The following MPHOSPH9 variants were observed in gnomAD, a reference collection of about 807,000 sequenced individuals.
MPHOSPH9 encodes M-phase phosphoprotein 9.
In MPHOSPH9, 88 loss-of-function variants were observed where a neutral mutation model predicts 145.5. That is an observed-to-expected ratio of 0.60 (90% confidence interval 0.51 to 0.72). The LOEUF (loss-of-function observed/expected upper bound fraction) is 0.72, where lower values mean the gene tolerates loss of function less well. Among genes scored for constraint, MPHOSPH9 ranks in the 30% least tolerant of loss-of-function variants. The pLI, the probability that MPHOSPH9 is intolerant of heterozygous loss-of-function variation, is 0.00. For synonymous variants in MPHOSPH9, 435 were observed against 486.2 expected, an observed-to-expected ratio of 0.89 and a Z score of 1.39; for missense variants, 1,238 against 1,386.6, an observed-to-expected ratio of 0.89 and a Z score of 1.70.
In MPHOSPH9 at chr12:123,203,253, T is replaced by G. The variant is rs774013968; in HGVS notation, c.1317A>C (p.Pro439=). Residue 439 remains proline (P), a synonymous_variant, in exon 9 of 24, where the codon CCA becomes CCC. Transcript: ENST00000606320. ...GGCAGAATGTGGACAACTTTACCTCTGGTGGATGATTTGGGTTGGAAGCAG... is the reference window on the plus strand; with the variant it reads ...GGCAGAATGTGGACAACTTTACCTCGGGTGGATGATTTGGGTTGGAAGCAG... ...LTSASNPNHP[P]EVLTLDPTLH... 3 of 1,613,272 alleles carry G rather than the reference T, an allele frequency of 1.9e-6. No individual in the cohort carries two copies. The East Asian group carries it at 6.7e-5, about 36-fold the overall frequency.
rs968087732 is a variant in MPHOSPH9 at position 123,161,202 on chromosome 12, T to A, written c.3315A>T (p.Thr1105=). Residue 1105 remains threonine, a synonymous_variant, in exon 22 of 24, where the codon ACA becomes ACT. Coordinates refer to ENST00000606320, the MANE Select transcript of MPHOSPH9 (RefSeq NM_022782.4). ...VTPQGNDFEY[T]AKIRTLAETE... ...TTTCAGCTAGGGTCCGAATTTTTGC[T>A]GTATATTCAAAATCATTCCCCTGTG... 8.7e-6 allele frequency: 14 copies of A among 1,614,102 alleles called. No individual in the cohort carries two copies. The highest frequency in any genetic ancestry group is 1.2e-5 in the Non-Finnish European group (14 of 1,180,036).
At position 123,156,741 on chromosome 12, in the gene MPHOSPH9, T is replaced by C; in HGVS notation, c.*66A>G. 7.5e-7 allele frequency: 1 copy of C among 1,341,690 alleles called. No individual in the cohort carries two copies. The highest frequency in any genetic ancestry group is 1.2e-5 in the South Asian group (1 of 81,312). The allele number at this position is 1,341,690 out of a possible 1,614,324, so 83.1% of individuals were successfully genotyped here. On this transcript the variant is annotated 3_prime_UTR_variant, in exon 24 of 24. Coordinates refer to ENST00000606320, the MANE Select transcript of MPHOSPH9 (RefSeq NM_022782.4). ...TATAAACAGTACAAAATAGTTTGCC[T>C]TTTCTGACTGCATAATTATACATTA...
chr12:123,234,354 C>G (rs943157270), upstream of MPHOSPH9, among the ~76,000 whole-genome samples: 2 of 149,530 alleles, frequency 1.3e-5, no homozygotes, highest in Non-Finnish European at 3.0e-5. Flanking sequence ...TTGGAGCTTC[C>G]TAAGTATACC....
At chr12:123,188,284 T>C (rs2045535549) in intron 13 of MPHOSPH9, among the ~76,000 whole-genome samples, 1 of 152,172 alleles carries the variant, frequency 6.6e-6, no homozygotes, top group Admixed American at 6.5e-5. Flanking sequence ...AAATAAGAAT[T>C]ATCATACACT....
intron 6 of MPHOSPH9, among the ~76,000 whole-genome samples, chr12:123,217,221 C>T (rs1041142334): frequency 1.0e-4 from 15 of 149,426 alleles, no homozygotes; most frequent in African/African-American, 2.5e-4. Context: ...TTTTTTTAGA[C>T]GGAATCTCGC....
In MPHOSPH9 at chr12:123,227,636, T is replaced by G. The variant is rs1336841727; in HGVS notation, c.105-20A>C. On this transcript the variant is annotated intron_variant, in intron 2 of 23. Coordinates refer to ENST00000606320, the MANE Select transcript of MPHOSPH9 (RefSeq NM_022782.4). ...CTACTTCTGTTGAAACATAAATAATTCAAATGGTTTTCTTCATTCTATCAA... is the reference window on the plus strand; with the variant it reads ...CTACTTCTGTTGAAACATAAATAATGCAAATGGTTTTCTTCATTCTATCAA... 5 of 1,489,172 alleles carry G rather than the reference T, an allele frequency of 3.4e-6. No individual in the cohort carries two copies. The highest frequency in any genetic ancestry group is 4.5e-6 in the Non-Finnish European group (5 of 1,123,584). The allele number at this position is 1,489,172 out of a possible 1,614,324, so 92.2% of individuals were successfully genotyped here. A position where few individuals can be genotyped will look rare whatever the true frequency, so the allele number is the denominator to read the frequency against.
chr12:123,187,077 T>C (rs1393752941), intron 13 of MPHOSPH9, among the ~76,000 whole-genome samples: 4 of 152,096 alleles, frequency 2.6e-5, no homozygotes, highest in Non-Finnish European at 5.9e-5. Context: ...ATGGCTAACA[T>C]GGTGAAACCC....
upstream of MPHOSPH9, among the ~76,000 whole-genome samples, chr12:123,237,105 A>C: frequency 6.6e-6 from 1 of 151,856 alleles, no homozygotes; most frequent in East Asian, 1.9e-4. Flanking sequence ...TAGAAGAAAT[A>C]TGATACACAC....
chr12:123,190,342 C>A (rs529746283), intron 13 of MPHOSPH9, among the ~76,000 whole-genome samples: 1 of 152,028 alleles, frequency 6.6e-6, no homozygotes, highest in South Asian at 2.1e-4. Flanking sequence ...TTAGTAGAGA[C>A]GGGGTTTCAA....
chr12:123,202,775 T>C lies in MPHOSPH9; in HGVS notation c.1630A>G (p.Ser544Gly), dbSNP rs190649470. 1.2e-5 allele frequency: 19 copies of C among 1,614,224 alleles called. No homozygotes were observed. The East Asian group carries it at 3.6e-4, about 30-fold the overall frequency. Residue 544 changes from serine (S) to glycine (G), a missense_variant, in exon 10 of 24, where the codon AGT (serine) becomes GGT (glycine). Physicochemically the swap from Ser to Gly is moderately conservative, Grantham distance 56. This residue lies in a region of MPHOSPH9 where 837 missense variants were observed against 897.5 expected (regional missense o/e 0.93). Transcript: ENST00000606320. Reference protein sequence around the residue: ...STFPSVYTITSNDISVNTVDE... With the variant: ...STFPSVYTITGNDISVNTVDE... ...ACAGTGTTGACCGAGATATCATTAC[T>C]AGTAATGGTATATACTGACGGAAAC...
At position 123,202,812 on chromosome 12, in the gene MPHOSPH9, C is replaced by A. The variant is rs753621719; in HGVS notation, c.1593G>T (p.Arg531Ser). The change falls in exon 10 of 24, where the codon AGG (arginine) becomes AGT (serine). Residue 531 changes from arginine (R) to serine (S), a missense_variant. Physicochemically the swap from Arg to Ser is moderately radical, Grantham distance 110. Transcript: ENST00000606320. ...ATACTGACGGAAACGTGGAACTGGT[C>A]CTACTTTCGTTTTGGAATGTCTGAT... ...WKNQTFQNES[R>S]TSSTFPSVYT... 5.0e-6 allele frequency: 8 copies of A among 1,614,120 alleles called. No homozygotes were observed. In the South Asian group the frequency reaches 8.8e-5, roughly 18 times the overall value.
In MPHOSPH9 at chr12:123,194,460, C is replaced by A; in HGVS notation, c.2167G>T (p.Ala723Ser). The A allele has an allele frequency of 6.2e-7, 1 of 1,611,026 alleles. No individual in the cohort carries two copies. Residue 723 changes from alanine to serine, a missense_variant, in exon 13 of 24, where the codon GCA becomes TCA. By Grantham distance (99) the Ala-to-Ser change is moderately conservative. Transcript: ENST00000606320. ...GAGAGTTTGTAAGCATTCTCAAATG[C>A]TTCTTCTAAATCTTGCAGTCTAGAT... The part of the protein sequence containing the change: ...LKSRLQDLEE[A>S]FENAYKLSDD...
chr12:123,243,668 G>C (rs893204967), intron 1 of MPHOSPH9, among the ~76,000 whole-genome samples: 1 of 152,042 alleles, frequency 6.6e-6, no homozygotes, highest in African/African-American at 2.4e-5. Flanking sequence ...TCGCGCCACT[G>C]TACTCCACCC....
chr12:123,202,392 AAC>A, intron 10 of MPHOSPH9, 73 bp from the exon 11 acceptor site: 2 of 1,446,642 alleles, frequency 1.4e-6, no homozygotes, highest in Non-Finnish European at 1.9e-6. Context: ...AGAAACCAAG[AAC>A]ACAATGATTC....
At chr12:123,204,603 G>C (rs1191396237) in intron 8 of MPHOSPH9, among the ~76,000 whole-genome samples, 1 of 152,158 alleles carries the variant, frequency 6.6e-6, no homozygotes. Flanking sequence ...GGCTGGACAC[G>C]GTGGCTTACA....
chr12:123,184,440 C>T (rs1258765428), intron 13 of MPHOSPH9, among the ~76,000 whole-genome samples: 1 of 151,998 alleles, frequency 6.6e-6, no homozygotes, highest in African/African-American at 2.4e-5. Context: ...GGAACTAAGT[C>T]CCATCCATAC....
At chr12:123,198,055 G>A (rs1451033050) in intron 12 of MPHOSPH9, among the ~76,000 whole-genome samples, 192 bp downstream of exon 12, 1 of 151,188 alleles carries the variant, frequency 6.6e-6, no homozygotes, top group East Asian at 1.9e-4. Flanking sequence ...CTGCACTCCA[G>A]CCTGGGCAAC....
At chr12:123,194,241 C>T in intron 13 of MPHOSPH9, 145 bp downstream of exon 13, 1 of 584,346 alleles carries the variant, frequency 1.7e-6, no homozygotes, top group South Asian at 2.4e-5. Flanking sequence ...TGCACTCCAG[C>T]CTGGGTGTCA....
chr12:123,243,234 A>T (rs537952984), intron 1 of MPHOSPH9, among the ~76,000 whole-genome samples: 1 of 142,992 alleles, frequency 7.0e-6, no homozygotes, highest in East Asian at 1.9e-4. Context: ...CTTTTAAAAC[A>T]ATTTTTTTTT....
Sources: gnomAD v4.1 joint callset for allele counts (sites outside exome capture counted in the v4.1 genomes callset) on GRCh38, gnomAD v4.1.1 for gene constraint, gnomAD v4.1.1 regional missense constraint, MANE v1.5 for transcripts, NCBI Gene and HGNC (gene_info 2026-07-23, HGNC 2026-07-21) for gene names.